Variants in RPRD1A observed in about 807,000 individuals in gnomAD.
RPRD1A encodes the protein regulation of nuclear pre-mRNA domain-containing protein 1A.
Under a neutral mutation model 37.8 loss-of-function variants are expected in RPRD1A, and 9 were observed. The observed-to-expected ratio is 0.24, with a 90% CI of 0.14 to 0.42. RPRD1A has a LOEUF of 0.42. RPRD1A is among the 10% of genes least tolerant of loss of function. The pLI is 1.00. For synonymous variants in RPRD1A, 138 were observed against 139.7 expected (o/e 0.99, Z 0.08); for missense variants, 255 against 371.0 (o/e 0.69, Z 2.57).
chr18:36,034,176 G>GT (rs1912019633), intron 1 of RPRD1A, among the ~76,000 whole-genome samples: 1 of 152,122 alleles, frequency 6.6e-6, no homozygotes, highest in Non-Finnish European at 1.5e-5. Context: ...ATTTAGGATT[G>GT]TTTTAATAGA....
chr18:36,014,936 A>G (rs1178412591), intron 6 of RPRD1A, among the ~76,000 whole-genome samples: 1 of 152,124 alleles, frequency 6.6e-6, no homozygotes, highest in Admixed American at 6.5e-5. Flanking sequence ...CAACAAAGAC[A>G]GAAAACACCA....
intron 6 of RPRD1A, among the ~76,000 whole-genome samples, chr18:35,994,702 T>C (rs1032829845): frequency 6.6e-6 from 1 of 152,174 alleles, no homozygotes; most frequent in East Asian, 1.9e-4. Flanking sequence ...CAAATAAAGA[T>C]TTAGGCTTTA....
Position 36,033,730 on chromosome 18 carries a change from C to T in RPRD1A, c.259G>A (p.Glu87Lys). 1 of 1,612,534 alleles carries T rather than the reference C, an allele frequency of 6.2e-7. No individual in the cohort carries two copies. The highest frequency in any genetic ancestry group is 8.5e-7 in the Non-Finnish European group (1 of 1,179,094). The change falls in exon 2 of 7, where the codon GAG (glutamate) becomes AAG (lysine). Residue 87 changes from glutamate (E) to lysine (K), a missense_variant. By Grantham distance (56) the Glu-to-Lys change is moderately conservative. This residue lies in a region of RPRD1A where 211 missense variants were observed against 268.9 expected (regional missense o/e 0.78). Transcript: ENST00000399022. ...TACCTTGAAACATGCTTAAAAGCCT[C>T]CACTATAACTGGTGCAAAATCTTTT... is the stretch of plus-strand genomic sequence containing the variant. ...FTKDFAPVIV[E>K]AFKHVSSETD...
chr18:35,996,118 G>A (rs985971305), intron 6 of RPRD1A, among the ~76,000 whole-genome samples: 6 of 152,220 alleles, frequency 3.9e-5, no homozygotes, highest in Non-Finnish European at 7.3e-5. Flanking sequence ...TTTAGTCAAT[G>A]TGTCAATATT....
chr18:36,027,012 T>C lies in RPRD1A; in HGVS notation c.677A>G (p.Tyr226Cys). The C allele has an allele frequency of 1.9e-6, 3 of 1,614,040 alleles. No individual in the cohort carries two copies. In the South Asian group the frequency reaches 3.3e-5, roughly 18 times the overall value. ...VEDACMLLAD[Y>C]NGRLAAEIDD... The stretch of plus-strand genomic sequence containing the variant: ...TATTTCTGCCGCCAATCTGCCATTG[T>C]AATCTGCCAGCAACATACACGCATC... Residue 226 changes from tyrosine (Y) to cysteine (C), a missense_variant, in exon 6 of 7, where the codon TAC (tyrosine) becomes TGC (cysteine). Physicochemically the swap from Tyr to Cys is radical, Grantham distance 194. Transcript: ENST00000399022.
chr18:36,012,871 G>C (rs1369321013), intron 6 of RPRD1A, among the ~76,000 whole-genome samples: 7 of 152,162 alleles, frequency 4.6e-5, no homozygotes, highest in Admixed American at 4.6e-4. Flanking sequence ...ACAGTATTTT[G>C]CATTTACATT....
intron 1 of RPRD1A, among the ~76,000 whole-genome samples, chr18:36,066,442 G>A (rs751936801): frequency 6.6e-6 from 1 of 152,170 alleles, no homozygotes; most frequent in Non-Finnish European, 1.5e-5. Flanking sequence ...AATGAATTAA[G>A]AATTAAAGTA....
At chr18:36,025,719 A>G (rs1911321014) in intron 6 of RPRD1A, 1 of 1,059,684 alleles carries the variant, frequency 9.4e-7, no homozygotes, top group African/African-American at 1.7e-5. Flanking sequence ...AACCATACTA[A>G]AAGACTAAAG....
At chr18:36,058,206 T>G (rs1039466880) in intron 1 of RPRD1A, among the ~76,000 whole-genome samples, 1 of 152,128 alleles carries the variant, frequency 6.6e-6, no homozygotes. Flanking sequence ...CCACACCCTG[T>G]TAATTTTTGT....
At chr18:36,051,876 T>C (rs1421214569) in intron 1 of RPRD1A, among the ~76,000 whole-genome samples, 1 of 151,906 alleles carries the variant, frequency 6.6e-6, no homozygotes, top group Non-Finnish European at 1.5e-5. Flanking sequence ...ATTATGAAGT[T>C]ACAAAAAGAA....
At position 35,992,877 on chromosome 18, in the gene RPRD1A, C is replaced by T. The variant is rs895734439; in HGVS notation, c.*274G>A. 1.6e-5 allele frequency: 4 copies of T among 252,776 alleles called. No individual in the cohort carries two copies. Among genetic ancestry groups the T allele is most frequent in the African/African-American group, 4.6e-5 (2 of 43,644 alleles). 15.7% of individuals were successfully genotyped at this position (252,776 alleles called of 1,614,324 possible). On this transcript the variant is annotated 3_prime_UTR_variant, in exon 7 of 7. Coordinates refer to ENST00000399022, the MANE Select transcript of RPRD1A (RefSeq NM_018170.5). ...AGAGATTTCTCACAAGGCCTTGGAT[C>T]AAAAAAAAAATTTACAAAAAGATCT...
In RPRD1A at chr18:36,062,323, C is replaced by CAAAAAA. The variant is rs752980996; in HGVS notation, c.151+4925_151+4930dup. Among the ~76,000 whole-genome samples, 348 of 40,598 alleles carry CAAAAAA rather than the reference C, an allele frequency of 8.6e-3. 28 individuals carry two copies. Among genetic ancestry groups the CAAAAAA allele is most frequent in the African/African-American group, 0.033 (335 of 10,110 alleles). The allele number at this position is 40,598 out of a possible 152,430, so 26.6% of individuals were successfully genotyped here. A position where few individuals can be genotyped will look rare whatever the true frequency, so the allele number is the denominator to read the frequency against. On this transcript the variant is annotated intron_variant, in intron 1 of 6. Transcript: ENST00000399022. ...TGGGCGACAGAGCGAGACTCCGTCT[C>CAAAAAA]AAAAAAAAAAAAAAAAAAAAAAAAA... is the stretch of plus-strand genomic sequence containing the variant.
intron 6 of RPRD1A, chr18:36,026,227 T>C (rs1911356887): frequency 6.6e-6 from 1 of 152,400 alleles, no homozygotes; most frequent in Non-Finnish European, 1.5e-5. Flanking sequence ...CAATAAGAAA[T>C]TGCCACAGCA....
chr18:36,045,607 C>A (rs1365000338), intron 1 of RPRD1A, among the ~76,000 whole-genome samples: 4 of 152,200 alleles, frequency 2.6e-5, no homozygotes, highest in Non-Finnish European at 5.9e-5. Flanking sequence ...TCCAGAAAGA[C>A]TGAAAGCTCT....
In RPRD1A at chr18:36,067,535, A is replaced by C. The variant is rs1187711176; in HGVS notation, c.-131T>G. The C allele has an allele frequency of 3.3e-6, 3 of 922,506 alleles. No individual in the cohort carries two copies. In the East Asian group the frequency reaches 9.4e-5, roughly 29 times the overall value. 57.1% of individuals were successfully genotyped at this position (922,506 alleles called of 1,614,324 possible). A position where few individuals can be genotyped will look rare whatever the true frequency, so the allele number is the denominator to read the frequency against. On this transcript the variant is annotated 5_prime_UTR_variant, in exon 1 of 7. Transcript: ENST00000399022. ...TCTCACCACGGCCGCCGCTTCATCC[A>C]AGACCGGCCGCAAACCAGCAAGATG...
intron 1 of RPRD1A, among the ~76,000 whole-genome samples, chr18:36,034,162 T>C (rs1912018135): frequency 6.6e-6 from 1 of 152,136 alleles, no homozygotes; most frequent in Admixed American, 6.5e-5. Context: ...AAATCCTACA[T>C]TGAATTTAGG....
chr18:36,012,360 C>A (rs1910229627), intron 6 of RPRD1A, among the ~76,000 whole-genome samples: 1 of 151,936 alleles, frequency 6.6e-6, no homozygotes, highest in Non-Finnish European at 1.5e-5. Context: ...GTATTTACTA[C>A]ACTTTTTATT....
At chr18:36,008,086 A>AAAGACT (rs1909865219) in intron 6 of RPRD1A, among the ~76,000 whole-genome samples, 1 of 152,118 alleles carries the variant, frequency 6.6e-6, no homozygotes, top group African/African-American at 2.4e-5. Flanking sequence ...GAAAAATACA[A>AAAGACT]ATCAAAACAA....
intron 6 of RPRD1A, among the ~76,000 whole-genome samples, chr18:36,019,544 CAG>C (rs1197629607): frequency 1.3e-5 from 2 of 152,138 alleles, no homozygotes; most frequent in African/African-American, 2.4e-5. Context: ...ACCACTTAGA[CAG>C]GGGTGGTTTG....
Sources: gnomAD v4.1 joint callset for allele counts (sites outside exome capture counted in the v4.1 genomes callset) on GRCh38, gnomAD v4.1.1 for gene constraint, gnomAD v4.1.1 regional missense constraint, MANE v1.5 for transcripts, NCBI Gene and HGNC (gene_info 2026-07-23, HGNC 2026-07-21) for gene names.